The following OSBPL1A variants were observed in gnomAD, a reference collection of about 807,000 sequenced individuals.
OSBPL1A encodes the protein oxysterol-binding protein-related protein 1.
A neutral mutation model predicts 137.1 loss-of-function variants in OSBPL1A; 80 were observed. That is an observed-to-expected ratio of 0.58 (90% CI 0.49 to 0.70). The LOEUF (loss-of-function observed/expected upper bound fraction) is 0.70, where lower values mean the gene tolerates loss of function less well. OSBPL1A is among the 30% of genes least tolerant of loss of function. The probability of loss-of-function intolerance (pLI) is 0.00; values close to 1 mark genes in which losing one functional copy is unlikely to be tolerated. For synonymous variants in OSBPL1A, 365 were observed against 389.7 expected (o/e 0.94, Z 0.75); for missense variants, 970 against 1,129.4 (o/e 0.86, Z 2.02).
chr18:24,318,893 C>G (rs1203563993), intron 7 of OSBPL1A, 84 bp from the exon 8 acceptor site: 1 of 1,126,630 alleles, frequency 8.9e-7, no homozygotes, highest in Non-Finnish European at 1.3e-6. Context: ...ATCTAATAGT[C>G]CTTCATTTTT....
chr18:24,343,708 T>C lies in OSBPL1A; in HGVS notation c.283-2050A>G, dbSNP rs149218969. On this transcript the variant is annotated intron_variant, in intron 4 of 27. Coordinates refer to ENST00000319481, the MANE Select transcript of OSBPL1A (RefSeq NM_080597.4). ...ATTTTTGACATAAGTGCCAAGACAGTTCAATGCAGAAAAGACAGTCTTTTC... is the reference window on the plus strand; with the variant it reads ...ATTTTTGACATAAGTGCCAAGACAGCTCAATGCAGAAAAGACAGTCTTTTC... Among the ~76,000 whole-genome samples, 149 of 152,170 alleles carry C rather than the reference T, an allele frequency of 9.8e-4. 1 individual carries two copies. In the East Asian group the frequency reaches 0.019, roughly 19 times the overall value.
At chr18:24,170,303 G>C (rs1351597583) in intron 24 of OSBPL1A, 24 bp downstream of exon 24, 1 of 1,613,420 alleles carries the variant, frequency 6.2e-7, no homozygotes, top group African/African-American at 1.3e-5. Flanking sequence ...TTATTCCTTC[G>C]ATACCACCTT....
chr18:24,336,528 G>A (rs1340392389), intron 5 of OSBPL1A, among the ~76,000 whole-genome samples: 1 of 152,008 alleles, frequency 6.6e-6, no homozygotes, highest in Non-Finnish European at 1.5e-5. Context: ...TACAGAAATC[G>A]TTCTAAAGGA....
chr18:24,301,433 G>A (rs577641059), intron 14 of OSBPL1A: 3 of 152,236 alleles, frequency 2.0e-5, no homozygotes, highest in South Asian at 4.2e-4. Flanking sequence ...TTCATATTTC[G>A]TATCACTGGA....
intron 17 of OSBPL1A, among the ~76,000 whole-genome samples, chr18:24,224,521 A>G (rs2088002138): frequency 6.6e-6 from 1 of 152,186 alleles, no homozygotes; most frequent in South Asian, 2.1e-4. Flanking sequence ...CAAGCCATTA[A>G]GGGGATAAAA....
At chr18:24,396,706 C>T (rs1907767339) in intron 1 of OSBPL1A, among the ~76,000 whole-genome samples, 1 of 151,992 alleles carries the variant, frequency 6.6e-6, no homozygotes, top group African/African-American at 2.4e-5. Flanking sequence ...GGGGGTGGTT[C>T]AGAATTTATA....
intron 7 of OSBPL1A, among the ~76,000 whole-genome samples, chr18:24,319,284 G>C (rs988073211): frequency 1.3e-5 from 2 of 152,080 alleles, no homozygotes; most frequent in African/African-American, 4.8e-5. Flanking sequence ...CCAGCATTCT[G>C]TTCTCTCTCT....
chr18:24,317,240 A>G lies in OSBPL1A; in HGVS notation c.807-28T>C, dbSNP rs377160991. ...TCAAAATAAAAATGAAATTATCAAG[A>G]CAAAAGGAAAAGAGACAAGTGAAAA... On this transcript the variant is annotated intron_variant, in intron 10 of 27. Transcript: ENST00000319481. 14 of 1,612,480 alleles carry G rather than the reference A, an allele frequency of 8.7e-6. No individual in the cohort carries two copies. In the African/African-American group the frequency reaches 1.7e-4, roughly 20 times the overall value.
intron 14 of OSBPL1A, among the ~76,000 whole-genome samples, chr18:24,281,386 T>A (rs2089953980): frequency 6.8e-6 from 1 of 147,746 alleles, no homozygotes; most frequent in South Asian, 2.2e-4. Flanking sequence ...GCCCGGCTTT[T>A]TTTTTTTATT....
chr18:24,248,063 C>A (rs183564290), intron 15 of OSBPL1A, among the ~76,000 whole-genome samples: 55 of 152,318 alleles, frequency 3.6e-4, no homozygotes, highest in Admixed American at 3.5e-3. Context: ...TAGTATACAG[C>A]TGGCCTTTGC....
chr18:24,212,618 T>G lies in OSBPL1A; in HGVS notation c.1601+12424A>C, dbSNP rs191092732. Among the ~76,000 whole-genome samples, 9 of 152,294 alleles carry G rather than the reference T, an allele frequency of 5.9e-5. No individual in the cohort carries two copies. In the East Asian group the frequency reaches 1.7e-3, roughly 29 times the overall value. On this transcript the variant is annotated intron_variant, in intron 17 of 27. Coordinates refer to ENST00000319481, the MANE Select transcript of OSBPL1A (RefSeq NM_080597.4). ...AGAATCTCACCTTAAGTTGATATAA[T>G]TTGATTTTATCACAATGAAAATGAT...
chr18:24,194,907 A>G (rs1002704472), intron 18 of OSBPL1A, among the ~76,000 whole-genome samples: 8 of 152,206 alleles, frequency 5.3e-5, no homozygotes, highest in African/African-American at 1.9e-4. Flanking sequence ...GAGTCAAAAA[A>G]TATTTGTTTA....
intron 13 of OSBPL1A, 120 bp from the exon 14 acceptor site, chr18:24,303,838 T>C (rs190462711): frequency 1.0e-5 from 7 of 699,802 alleles, no homozygotes; most frequent in Admixed American, 2.8e-5. Context: ...CAGAGACATA[T>C]GCCTTAAAGA....
rs2337960 is a variant in OSBPL1A, at chr18:24,306,984, C to T, written c.1093-3266G>A. On this transcript the variant is annotated intron_variant, in intron 13 of 27. Coordinates refer to ENST00000319481, the MANE Select transcript of OSBPL1A (RefSeq NM_080597.4). ...GATAGCCCCATACTCTGGCCAGGCT[C>T]GGTGGCTCATGCATGTAATCCCAGC... Among the ~76,000 whole-genome samples the T allele has an allele frequency of 1.7e-4, 26 of 151,388 alleles. 1 individual carries two copies. Among genetic ancestry groups the T allele is most frequent in the Non-Finnish European group, 2.9e-4 (20 of 67,930 alleles).
chr18:24,382,658 T>G (rs969146344), intron 1 of OSBPL1A, among the ~76,000 whole-genome samples: 1 of 151,716 alleles, frequency 6.6e-6, no homozygotes, highest in African/African-American at 2.4e-5. Flanking sequence ...TGGGTGGATC[T>G]CCAGTCCAGG....
At chr18:24,262,234 C>T (rs2089460222) in intron 15 of OSBPL1A, among the ~76,000 whole-genome samples, 1 of 152,184 alleles carries the variant, frequency 6.6e-6, no homozygotes, top group Non-Finnish European at 1.5e-5. Context: ...TACTGCAGAA[C>T]ATATGACTTT....
At chr18:24,177,548 T>C (rs574724963) in intron 21 of OSBPL1A, among the ~76,000 whole-genome samples, 12 of 152,370 alleles carry the variant, frequency 7.9e-5, no homozygotes, top group African/African-American at 2.9e-4. Context: ...GGGTATCGTA[T>C]GCTTATTCTC....
intron 7 of OSBPL1A, among the ~76,000 whole-genome samples, chr18:24,330,357 G>T (rs1052941363): frequency 6.6e-6 from 1 of 151,598 alleles, no homozygotes; most frequent in African/African-American, 2.4e-5. Flanking sequence ...CCAAACTCCT[G>T]CTTATCAAAA....
In OSBPL1A at chr18:24,324,217, G is replaced by A. The variant is rs1367723449; in HGVS notation, c.626-5408C>T. Among the ~76,000 whole-genome samples the A allele has an allele frequency of 3.5e-5, 2 of 57,172 alleles. 1 individual carries two copies. Among genetic ancestry groups the A allele is most frequent in the Non-Finnish European group, 7.0e-5 (2 of 28,476 alleles). 37.5% of individuals were successfully genotyped at this position (57,172 alleles called of 152,430 possible). A position where few individuals can be genotyped will look rare whatever the true frequency, so the allele number is the denominator to read the frequency against. On this transcript the variant is annotated intron_variant, in intron 7 of 27. Coordinates refer to ENST00000319481, the MANE Select transcript of OSBPL1A (RefSeq NM_080597.4). ...AGCCTGGGTGACAGAGTGAGACTCC[G>A]TCTCAAAAAAAAAAAAGCTTCACCC...
Sources: gnomAD v4.1 joint callset for allele counts (sites outside exome capture counted in the v4.1 genomes callset) on GRCh38, gnomAD v4.1.1 for gene constraint, MANE v1.5 for transcripts, NCBI Gene and HGNC (gene_info 2026-07-23, HGNC 2026-07-21) for gene names.